Variants in RAB17 observed in about 807,000 individuals in gnomAD.
RAB17 encodes the protein ras-related protein Rab-17.
A neutral mutation model predicts 19.3 loss-of-function variants in RAB17; 15 were observed. The observed-to-expected ratio is 0.78, with a 90% CI of 0.52 to 1.20. The LOEUF is 1.20. Ranked by LOEUF, RAB17 falls within the 50% of genes most tolerant of loss-of-function variation. The pLI is 0.00. For missense variants in RAB17, 262 were observed against 269.3 expected (o/e 0.97, Z 0.19); for synonymous variants, 110 against 112.8 (o/e 0.97, Z 0.16).
chr2:237,587,394 G>A (rs1424494258), intron 1 of RAB17, among the ~76,000 whole-genome samples: 2 of 152,202 alleles, frequency 1.3e-5, no homozygotes, highest in Non-Finnish European at 2.9e-5. Flanking sequence ...GTGGGCAAGA[G>A]GGAGGCTCCC....
At position 237,577,286 on chromosome 2, in the gene RAB17, G is replaced by A. The variant is rs1473897821; in HGVS notation, c.406C>T (p.Leu136Phe). 10 of 1,613,856 alleles carry A rather than the reference G, an allele frequency of 6.2e-6. No homozygotes were observed. In the East Asian group the frequency reaches 1.6e-4, roughly 25 times the overall value. Residue 136 changes from leucine (L) to phenylalanine (F), a missense_variant, in exon 4 of 6, where the codon CTC becomes TTC. Leu to Phe is a conservative substitution (Grantham distance 22). Transcript: ENST00000264601. ...AAGGTCACCTCCCGCTCCTGGCTGA[G>A]GTCCGTCTTGTTGCCCACCAGCATC... ...LVMLVGNKTD[L>F]SQEREVTFQE...
At position 237,586,165 on chromosome 2, in the gene RAB17, G is replaced by A. The variant is rs2081349331; in HGVS notation, c.-3-8C>T. 7.6e-6 allele frequency: 12 copies of A among 1,577,132 alleles called. No homozygotes were observed. The highest frequency in any genetic ancestry group is 4.3e-6 in the Non-Finnish European group (5 of 1,164,714). On this transcript the variant is annotated splice_region_variant and splice_polypyrimidine_tract_variant and intron_variant, in intron 1 of 5. Transcript: ENST00000264601. ...GTGTGCCTGTGCCATGCCCTGCAAAGAATCACAACCGTCTGAAGCAAGTGG... is the reference window on the plus strand; with the variant it reads ...GTGTGCCTGTGCCATGCCCTGCAAAAAATCACAACCGTCTGAAGCAAGTGG...
At position 237,574,989 on chromosome 2, in the gene RAB17, C is replaced by A; in HGVS notation, c.*30G>T. 6.6e-7 allele frequency: 1 copy of A among 1,516,422 alleles called. No homozygotes were observed. Among genetic ancestry groups the A allele is most frequent in the Non-Finnish European group, 9.0e-7 (1 of 1,114,964 alleles). 93.9% of individuals were successfully genotyped at this position (1,516,422 alleles called of 1,614,324 possible). On this transcript the variant is annotated 3_prime_UTR_variant, in exon 6 of 6. Transcript: ENST00000264601. ...TGGCCATGGCCCAGGCAGGGGGTGT[C>A]TTCCCCACAGCCCCCAGGAGTGGCT... is the stretch of plus-strand genomic sequence containing the variant.
Position 237,577,029 on chromosome 2 carries a change from CGTGT to C in RAB17, c.435+224_435+227del, listed in dbSNP as rs377020265. 1.6e-3 allele frequency among the ~76,000 whole-genome samples: 246 copies of C among 151,746 alleles called. 4 individuals are homozygous for C. The highest frequency in any genetic ancestry group is 5.8e-3 in the African/African-American group (240 of 41,324). On this transcript the variant is annotated intron_variant, in intron 4 of 5. Transcript: ENST00000264601. ...TCAGGTGGAAAGCTGTGTGTGTGTGCGTGTGTGTGTGTTCACTTGTAAATGTGTG... is the reference window on the plus strand; with the variant it reads ...TCAGGTGGAAAGCTGTGTGTGTGTGCGTGTGTGTTCACTTGTAAATGTGTG...
rs1230409823 is a variant in RAB17, at chr2:237,578,061, G to A, written c.252C>T (p.Cys84=). 3 of 1,613,728 alleles carry A rather than the reference G, an allele frequency of 1.9e-6. No individual in the cohort carries two copies. The highest frequency in any genetic ancestry group is 1.1e-5 in the South Asian group (1 of 91,052). The part of the protein sequence containing the change: ...TAGQEKYHSV[C]HLYFRGANAA... ...CGTTGGCACCCCTGAAGTAGAGGTG[G>A]CAGACGCTGTGGTACTTCTCCTGGC... Residue 84 remains cysteine, a synonymous_variant, in exon 3 of 6, where the codon TGC becomes TGT. Transcript: ENST00000264601.
In RAB17 at chr2:237,577,995, G is replaced by T. The variant is rs376627240; in HGVS notation, c.309+9C>A. ...AGGAGGGTGGGACGTGCCTCAAGGC[G>T]GGCCCTACCTTCCTGGTGATGTCGT... On this transcript the variant is annotated intron_variant, in intron 3 of 5. Coordinates refer to ENST00000264601, the MANE Select transcript of RAB17 (RefSeq NM_022449.4). 9 of 1,592,984 alleles carry T rather than the reference G, an allele frequency of 5.6e-6. No homozygotes were observed. The South Asian group carries it at 7.8e-5, about 14-fold the overall frequency.
At chr2:237,578,203 CA>C in intron 2 of RAB17, 48 bp from the exon 3 acceptor site, 1 of 1,562,528 alleles carries the variant, frequency 6.4e-7, no homozygotes, top group Non-Finnish European at 8.7e-7. Flanking sequence ...GAGGTTGCCA[CA>C]TGCGGCTCAG....
chr2:237,577,120 G>T, intron 4 of RAB17, 137 bp downstream of exon 4: 1 of 1,035,602 alleles, frequency 9.7e-7, no homozygotes, highest in Non-Finnish European at 1.4e-6. Flanking sequence ...TGGGCGTGTA[G>T]AGGTGTGTGT....
intron 1 of RAB17, among the ~76,000 whole-genome samples, chr2:237,587,216 C>T (rs140261423): frequency 4.3e-4 from 65 of 152,306 alleles, no homozygotes; most frequent in African/African-American, 1.3e-3. Context: ...ACTATTACTT[C>T]GACCCACTAT....
intron 4 of RAB17, among the ~76,000 whole-genome samples, chr2:237,576,944 C>T (rs1201910456): frequency 1.3e-5 from 2 of 152,166 alleles, no homozygotes; most frequent in East Asian, 3.8e-4. Context: ...GCTTGAACTG[C>T]CATTGCACTG....
At chr2:237,576,524 C>G in intron 4 of RAB17, 1 of 464,370 alleles carries the variant, frequency 2.2e-6, no homozygotes, top group Non-Finnish European at 4.5e-6. Context: ...ATCTTCACCC[C>G]ACTTCTCCAT....
intron 4 of RAB17, 42 bp downstream of exon 4, chr2:237,577,215 C>G: frequency 6.3e-7 from 1 of 1,586,274 alleles, no homozygotes; most frequent in Non-Finnish European, 8.6e-7. Flanking sequence ...GCAGGGCTCT[C>G]TCCTGCTGTG....
At chr2:237,584,539 G>C (rs7597767) in intron 2 of RAB17, among the ~76,000 whole-genome samples, 56,917 of 152,058 alleles carry the variant, frequency 0.37, 13,137 homozygotes, top group African/African-American at 0.66. Flanking sequence ...AGTACCTGAA[G>C]AGGTAGAGTT....
chr2:237,582,473 C>T (rs771471946), intron 2 of RAB17, among the ~76,000 whole-genome samples: 19 of 152,228 alleles, frequency 1.2e-4, no homozygotes, highest in African/African-American at 3.1e-4. Context: ...AAAATCCAGA[C>T]GGAGGGAAGG....
chr2:237,574,676 C>A lies in RAB17; in HGVS notation c.*343G>T, dbSNP rs116198356. ...GATCAGACGTAAGGCATCTTCCCAC[C>A]GTCGCTGTGCTGCGGGGACTTTTCC... On this transcript the variant is annotated 3_prime_UTR_variant, in exon 6 of 6. Transcript: ENST00000264601. The A allele has an allele frequency of 1.6e-3, 2,251 of 1,450,424 alleles. 21 individuals are homozygous for A. The African/African-American group carries it at 0.027, about 17-fold the overall frequency. The allele number at this position is 1,450,424 out of a possible 1,614,324, so 89.8% of individuals were successfully genotyped here.
intron 2 of RAB17, among the ~76,000 whole-genome samples, chr2:237,582,856 A>G (rs905741512): frequency 1.3e-5 from 2 of 152,232 alleles, no homozygotes; most frequent in South Asian, 2.1e-4. Flanking sequence ...AATAATTAAC[A>G]TACACTTTGG....
In RAB17 at chr2:237,575,157, T is replaced by C. The variant is rs983681704; in HGVS notation, c.530-29A>G. 2.5e-6 allele frequency: 4 copies of C among 1,588,200 alleles called. No homozygotes were observed. The African/African-American group carries it at 5.4e-5, about 22-fold the overall frequency. On this transcript the variant is annotated intron_variant, in intron 5 of 5. Coordinates refer to ENST00000264601, the MANE Select transcript of RAB17 (RefSeq NM_022449.4). ...TGAACAGCAAGAGGAGGGGGCTGGCTAGGGAGGGAAGTCGCCCAGCCCAGC... is the reference window on the plus strand; with the variant it reads ...TGAACAGCAAGAGGAGGGGGCTGGCCAGGGAGGGAAGTCGCCCAGCCCAGC...
chr2:237,578,222 C>G (rs2081281865), intron 2 of RAB17, 67 bp from the exon 3 acceptor site: 1 of 1,500,480 alleles, frequency 6.7e-7, no homozygotes, highest in African/African-American at 1.4e-5. Flanking sequence ...CAGGTGGGAC[C>G]ACGGCAAGCC....
intron 2 of RAB17, 57 bp downstream of exon 2, chr2:237,585,941 C>T: frequency 6.7e-7 from 1 of 1,498,442 alleles, no homozygotes. Flanking sequence ...AGGTGTGGGT[C>T]AGCAGCCCAG....
Sources: allele counts gnomAD v4.1 joint callset (sites outside exome capture counted in the v4.1 genomes callset), GRCh38; gene constraint gnomAD v4.1.1; transcripts MANE v1.5; gene names NCBI Gene and HGNC (gene_info 2026-07-23, HGNC 2026-07-21).